STAT5A: variants seen among roughly 807,000 people sequenced by gnomAD.
The protein encoded by STAT5A is signal transducer and activator of transcription 5A, also known as epididymis secretory sperm binding protein.
STAT5A carries 26 observed loss-of-function variants against 100.2 expected under a neutral mutation model. The observed-to-expected ratio is 0.26, with a 90% CI of 0.19 to 0.36. The LOEUF (loss-of-function observed/expected upper bound fraction) is 0.36. STAT5A is among the 10% of genes least tolerant of loss of function. The pLI is 1.00. For missense variants in STAT5A, 634 were observed against 1,027.5 expected (o/e 0.62, Z 5.24); for synonymous variants, 330 against 424.3 (o/e 0.78, Z 2.73).
At chr17:42,290,266 A>G (rs930360483) in intron 3 of STAT5A, 11 of 433,942 alleles carry the variant, frequency 2.5e-5, no homozygotes, top group Non-Finnish European at 3.2e-5. Context: ...AACTGGCCTT[A>G]TGGAAGCAGC....
Position 42,289,662 on chromosome 17 carries a change from G to T in STAT5A, c.128+123G>T, listed in dbSNP as rs143393929. On this transcript the variant is annotated intron_variant, in intron 2 of 18. Transcript: ENST00000590949. ...CTGCCTGTCCTTCTTTGTGCGGAAG[G>T]GGTGGTGCCCCTGGGAAAGGGGAAG... The T allele has an allele frequency of 5.5e-6, 8 of 1,456,722 alleles. No individual in the cohort carries two copies. In the Admixed American group the frequency reaches 1.8e-4, roughly 33 times the overall value. The allele number at this position is 1,456,722 out of a possible 1,614,324, so 90.2% of individuals were successfully genotyped here.
At chr17:42,306,572 A>G (rs1235991962) in intron 13 of STAT5A, 125 bp downstream of exon 13, 1 of 1,419,490 alleles carries the variant, frequency 7.0e-7, no homozygotes, top group African/African-American at 1.4e-5. Flanking sequence ...CTCTCCTACA[A>G]CCAGGAGAGA....
intron 9 of STAT5A, among the ~76,000 whole-genome samples, chr17:42,303,263 T>G (rs2080998506): frequency 6.6e-6 from 1 of 151,622 alleles, no homozygotes; most frequent in African/African-American, 2.4e-5. Context: ...AAAAGTTTAC[T>G]GATTTCCTAC....
At chr17:42,296,390 T>G (rs1366271057) in intron 5 of STAT5A, among the ~76,000 whole-genome samples, 1 of 152,136 alleles carries the variant, frequency 6.6e-6, no homozygotes, top group African/African-American at 2.4e-5. Flanking sequence ...GCTCCCATGA[T>G]AAAGATGTGG....
In STAT5A at chr17:42,306,349, G is replaced by A. The variant is rs1277934426; in HGVS notation, c.1582G>A (p.Glu528Lys). 1.9e-6 allele frequency: 3 copies of A among 1,614,010 alleles called. No homozygotes were observed. Among genetic ancestry groups the A allele is most frequent in the African/African-American group, 2.7e-5 (2 of 74,918 alleles). ...EVQSNRGLTK[E>K]NLVFLAQKLF... ...GCAGAGCAACCGGGGCCTGACCAAG[G>A]AGAACCTCGTGTTCCTGGCGCAGAA... The change falls in exon 13 of 19, where the codon GAG becomes AAG. Residue 528 changes from glutamate (E) to lysine (K), a missense_variant. Transcript: ENST00000590949.
chr17:42,295,663 G>C lies in STAT5A; in HGVS notation c.420G>C (p.Lys140Asn), dbSNP rs1053522991. 5 of 1,613,940 alleles carry C rather than the reference G, an allele frequency of 3.1e-6. No homozygotes were observed. Among genetic ancestry groups the C allele is most frequent in the Non-Finnish European group, 4.2e-6 (5 of 1,179,944 alleles). The change falls in exon 5 of 19, where the codon AAG becomes AAC. Residue 140 changes from lysine to asparagine, a missense_variant. Lys to Asn is a moderately conservative substitution (Grantham distance 94). Transcript: ENST00000590949. ...TCCTGGTTGACGCCATGTCCCAGAA[G>C]CACCTTCAGATCAACCAGACATTTG... ...AGILVDAMSQ[K>N]HLQINQTFEE...
chr17:42,307,861 GA>G, intron 15 of STAT5A, 138 bp downstream of exon 15: 1 of 1,284,138 alleles, frequency 7.8e-7, no homozygotes, highest in South Asian at 1.5e-5. Flanking sequence ...CTGTGGCTTG[GA>G]AATGTATTCT....
intron 5 of STAT5A, among the ~76,000 whole-genome samples, chr17:42,296,039 A>G (rs2080915296): frequency 6.6e-6 from 1 of 152,248 alleles, no homozygotes; most frequent in African/African-American, 2.4e-5. Flanking sequence ...GCAGATGGTA[A>G]AAGTGAGGTT....
At chr17:42,295,251 CATT>C in intron 4 of STAT5A, among the ~76,000 whole-genome samples, 1 of 152,122 alleles carries the variant, frequency 6.6e-6, no homozygotes, top group East Asian at 1.9e-4. Flanking sequence ...GGGTCATCAT[CATT>C]AGTGGGAAAA....
At position 42,311,502 on chromosome 17, in the gene STAT5A, G is replaced by C. The variant is rs2081081719; in HGVS notation, c.*833G>C. ...ACCTTGTCGACAAAGAGGTAGAAAAGATTGGGTCTAGGATATGGTGGGTGG... is the reference window on the plus strand; with the variant it reads ...ACCTTGTCGACAAAGAGGTAGAAAACATTGGGTCTAGGATATGGTGGGTGG... On this transcript the variant is annotated 3_prime_UTR_variant, in exon 19 of 19. Coordinates refer to ENST00000590949, the MANE Select transcript of STAT5A (RefSeq NM_001288718.2). The C allele has an allele frequency of 6.6e-6, 1 of 152,324 alleles. No homozygotes were observed. The highest frequency in any genetic ancestry group is 6.6e-5 in the Admixed American group (1 of 15,266). 9.4% of individuals were successfully genotyped at this position (152,324 alleles called of 1,614,324 possible).
At position 42,301,256 on chromosome 17, in the gene STAT5A, G is replaced by A. The variant is rs116193964; in HGVS notation, c.990-19G>A. 1 of 1,611,300 alleles carries A rather than the reference G, an allele frequency of 6.2e-7. No individual in the cohort carries two copies. Among genetic ancestry groups the A allele is most frequent in the Non-Finnish European group, 8.5e-7 (1 of 1,178,020 alleles). ...TGCGCCAACCCCTCATCGTGTGTCT[G>A]TCCCTGTGTCCCATGCAGCACATTC... On this transcript the variant is annotated intron_variant, in intron 8 of 18. Coordinates refer to ENST00000590949, the MANE Select transcript of STAT5A (RefSeq NM_001288718.2).
Position 42,304,506 on chromosome 17 carries a change from C to A in STAT5A, c.1258-24C>A. The A allele has an allele frequency of 1.2e-6, 2 of 1,614,162 alleles. No homozygotes were observed. The highest frequency in any genetic ancestry group is 1.7e-6 in the Non-Finnish European group (2 of 1,180,006). On this transcript the variant is annotated intron_variant, in intron 10 of 18. Transcript: ENST00000590949. The surrounding 1 kb of genome is among the most constrained non-coding windows in gnomAD (Gnocchi z 4.8). ...TGTAAGCAGCCGCCATCTCCCTGTT[C>A]CCCTGTCACCTCCCACCCTGCAGTC...
chr17:42,308,274 A>AT lies in STAT5A; in HGVS notation c.2004dup (p.Val669CysfsTer4). 1 of 1,614,062 alleles carries AT rather than the reference A, an allele frequency of 6.2e-7. No homozygotes were observed. Among genetic ancestry groups the AT allele is most frequent in the Non-Finnish European group, 8.5e-7 (1 of 1,180,002 alleles). ...CTGGGGGACCTGAGCTATCTCATCT[A>AT]TGTGTTTCCTGACCGCCCCAAGGAT... is the stretch of plus-strand genomic sequence containing the variant. On this transcript the variant is annotated frameshift_variant, in exon 16 of 19. Coordinates refer to ENST00000590949, the MANE Select transcript of STAT5A (RefSeq NM_001288718.2). LOFTEE classifies it high-confidence loss of function. This position sits in a 1 kb window ranked among gnomAD's most constrained non-coding sequence, Gnocchi z 4.6.
At chr17:42,309,518 G>T (rs1408006042) in intron 18 of STAT5A, 34 bp downstream of exon 18, 9 of 1,602,432 alleles carry the variant, frequency 5.6e-6, no homozygotes, top group Non-Finnish European at 7.7e-6. Flanking sequence ...CGCAGGGGAA[G>T]AACTGGGGAC....
chr17:42,299,979 G>A lies in STAT5A; in HGVS notation c.681+98G>A, dbSNP rs571592630. On this transcript the variant is annotated intron_variant, in intron 6 of 18. Coordinates refer to ENST00000590949, the MANE Select transcript of STAT5A (RefSeq NM_001288718.2). ...GGGACCAGCATGAGAGCAGAACCTG[G>A]GAGGGCAGGAGGCCTTTTTTCCTGG... 1,307 of 1,378,292 alleles carry A rather than the reference G, an allele frequency of 9.5e-4. 14 individuals carry two copies. The African/African-American group carries it at 0.017, about 18-fold the overall frequency. The allele number at this position is 1,378,292 out of a possible 1,614,324, so 85.4% of individuals were successfully genotyped here. A position where few individuals can be genotyped will look rare whatever the true frequency, so the allele number is the denominator to read the frequency against.
At position 42,288,501 on chromosome 17, in the gene STAT5A, A is replaced by G. The variant is rs989445517; in HGVS notation, c.-108A>G. 3 of 153,456 alleles carry G rather than the reference A, an allele frequency of 2.0e-5. No individual in the cohort carries two copies. Among genetic ancestry groups the G allele is most frequent in the Admixed American group, 1.3e-4 (2 of 15,262 alleles). The allele number at this position is 153,456 out of a possible 1,614,324, so 9.5% of individuals were successfully genotyped here. ...GCTGCTCTCCGCTCCTTCCTGTAGT[A>G]ACAGCCGCCGCTGCCGCCGCCGCCA... is the stretch of plus-strand genomic sequence containing the variant. On this transcript the variant is annotated 5_prime_UTR_variant, in exon 1 of 19. Coordinates refer to ENST00000590949, the MANE Select transcript of STAT5A (RefSeq NM_001288718.2). This position sits in a 1 kb window ranked among gnomAD's most constrained non-coding sequence, Gnocchi z 4.8.
chr17:42,295,215 G>A (rs116313008), intron 4 of STAT5A, among the ~76,000 whole-genome samples: 1 of 152,162 alleles, frequency 6.6e-6, no homozygotes, highest in East Asian at 1.9e-4. Flanking sequence ...CCATGGTATT[G>A]AGTCAGCAAA....
At chr17:42,305,564 C>T (rs375938777) in intron 11 of STAT5A, 46 bp from the exon 12 acceptor site, 21 of 1,530,730 alleles carry the variant, frequency 1.4e-5, no homozygotes, top group African/African-American at 6.8e-5. Flanking sequence ...GCAGAGGGCA[C>T]GTGGTGGTCA....
intron 8 of STAT5A, 36 bp downstream of exon 8, chr17:42,300,906 G>A (rs1302172728): frequency 1.9e-6 from 3 of 1,609,948 alleles, no homozygotes; most frequent in Middle Eastern, 1.8e-4. Flanking sequence ...CAGGAGCTTG[G>A]GGCAGCTCCT....
Sources: gnomAD v4.1 joint callset for allele counts (sites outside exome capture counted in the v4.1 genomes callset) on GRCh38, gnomAD v4.1.1 for gene constraint, Gnocchi (gnomAD v3.1) non-coding constraint, MANE v1.5 for transcripts, NCBI Gene and HGNC (gene_info 2026-07-23, HGNC 2026-07-21) for gene names.